ATL2: variants seen among roughly 807,000 people sequenced by gnomAD.
ATL2 encodes atlastin GTPase 2, also known as atlastin-2.
A neutral mutation model predicts 73.9 loss-of-function variants in ATL2; 31 were observed. That is an observed-to-expected ratio of 0.42 (90% CI 0.32 to 0.57). The LOEUF (loss-of-function observed/expected upper bound fraction) is 0.57. Ranked by LOEUF, ATL2 falls within the 20% of genes least tolerant of loss-of-function variation. The pLI is 0.14. For synonymous variants in ATL2, 291 were observed against 237.5 expected (o/e 1.23, Z -2.07); for missense variants, 738 against 702.6 (o/e 1.05, Z -0.57).
chr2:38,299,191 A>T (rs1016812742), intron 11 of ATL2, 65 bp downstream of exon 11: 12 of 995,352 alleles, frequency 1.2e-5, no homozygotes, highest in Non-Finnish European at 1.3e-5. Flanking sequence ...AATTTTTTTA[A>T]TTTTTTTTTT....
At position 38,337,458 on chromosome 2, in the gene ATL2, C is replaced by T. The variant is rs571553591; in HGVS notation, c.363+5810G>A. The stretch of plus-strand genomic sequence containing the variant: ...CTGAGATCACATCACTGCACTCCAA[C>T]CTTGGCGACAGAACAAGACTCTGTC... On this transcript the variant is annotated intron_variant, in intron 2 of 12. Coordinates refer to ENST00000378954, the MANE Select transcript of ATL2 (RefSeq NM_001135673.4). Among the ~76,000 whole-genome samples, 5 of 106,614 alleles carry T rather than the reference C, an allele frequency of 4.7e-5. No individual in the cohort carries two copies. The East Asian group carries it at 1.5e-3, about 32-fold the overall frequency. The allele number at this position is 106,614 out of a possible 152,430, so 69.9% of individuals were successfully genotyped here.
At chr2:38,319,146 A>G in intron 2 of ATL2, 127 bp from the exon 3 acceptor site, 1 of 1,005,618 alleles carries the variant, frequency 9.9e-7, no homozygotes, top group South Asian at 1.6e-5. Flanking sequence ...ACACTGTGTA[A>G]CAAACAAGTA....
Position 38,352,133 on chromosome 2 carries a change from C to CAA in ATL2, c.119-8623_119-8622dup, listed in dbSNP as rs778821586. Among the ~76,000 whole-genome samples, 304 of 31,954 alleles carry CAA rather than the reference C, an allele frequency of 9.5e-3. 13 individuals carry two copies. Among genetic ancestry groups the CAA allele is most frequent in the African/African-American group, 0.02 (269 of 13,404 alleles). 21.0% of individuals were successfully genotyped at this position (31,954 alleles called of 152,430 possible). On this transcript the variant is annotated intron_variant, in intron 1 of 12. Transcript: ENST00000378954. ...TTCAAAAACAAACAAAAACAACAAC[C>CAA]AAAAAAAAAAAAAAAAAAAAAAAAA... is the stretch of plus-strand genomic sequence containing the variant.
chr2:38,373,526 G>C (rs949881591), intron 1 of ATL2, among the ~76,000 whole-genome samples: 1 of 152,168 alleles, frequency 6.6e-6, no homozygotes, highest in African/African-American at 2.4e-5. Context: ...TGGGAAAACA[G>C]AGGATGTTAG....
intron 1 of ATL2, among the ~76,000 whole-genome samples, chr2:38,371,781 C>T (rs1275280251): frequency 2.0e-5 from 3 of 151,938 alleles, no homozygotes; most frequent in African/African-American, 7.3e-5. Context: ...GTCTGTAGTC[C>T]CAGATACTCA....
At chr2:38,296,413 C>T (rs977018424) in intron 12 of ATL2, 31 of 1,543,214 alleles carry the variant, frequency 2.0e-5, no homozygotes, top group Non-Finnish European at 2.5e-5. Context: ...CCGGCCCAGA[C>T]GGTCCTGCTT....
chr2:38,378,048 G>A (rs1435145213), upstream of ATL2, among the ~76,000 whole-genome samples: 1 of 152,190 alleles, frequency 6.6e-6, no homozygotes, highest in Non-Finnish European at 1.5e-5. Flanking sequence ...TTCTTCTGGG[G>A]ATCCAGTGAC....
chr2:38,333,846 T>G (rs1332995035), intron 2 of ATL2, among the ~76,000 whole-genome samples: 5 of 152,202 alleles, frequency 3.3e-5, no homozygotes, highest in Non-Finnish European at 5.9e-5. Context: ...ATCTCGTTTA[T>G]TTCTGATTCC....
At chr2:38,343,752 C>T (rs889874250) in intron 1 of ATL2, among the ~76,000 whole-genome samples, 1 of 152,092 alleles carries the variant, frequency 6.6e-6, no homozygotes, top group Non-Finnish European at 1.5e-5. Flanking sequence ...ATTGTAGCTC[C>T]CACAATTTCC....
rs1313873084 is a variant in ATL2, at chr2:38,370,164, AAAAAAAAG to A, written c.118+6971_118+6978del. 5.0e-3 allele frequency among the ~76,000 whole-genome samples: 737 copies of A among 147,844 alleles called. 10 individuals carry two copies. The highest frequency in any genetic ancestry group is 0.015 in the African/African-American group (602 of 39,206). On this transcript the variant is annotated intron_variant, in intron 1 of 12. Transcript: ENST00000378954. The stretch of plus-strand genomic sequence containing the variant: ...CGAGACTCCGTCAAAAAAAAAAAAA[AAAAAAAAG>A]AAAGAAAATCAAGACCGGGCGGTCG...
chr2:38,351,809 T>C (rs917962201), intron 1 of ATL2, among the ~76,000 whole-genome samples: 13 of 151,798 alleles, frequency 8.6e-5, no homozygotes, highest in African/African-American at 3.1e-4. Flanking sequence ...ATCTATGTAT[T>C]ATTTTAAACA....
At chr2:38,339,387 T>C (rs1669567079) in intron 2 of ATL2, among the ~76,000 whole-genome samples, 1 of 152,168 alleles carries the variant, frequency 6.6e-6, no homozygotes, top group South Asian at 2.1e-4. Flanking sequence ...GTCAAGGACT[T>C]AGTTAATAGT....
At chr2:38,350,111 C>A (rs956217034) in intron 1 of ATL2, among the ~76,000 whole-genome samples, 1 of 152,060 alleles carries the variant, frequency 6.6e-6, no homozygotes, top group Admixed American at 6.5e-5. Flanking sequence ...TCTCTAAATT[C>A]CACACCACTC....
chr2:38,345,407 T>A, intron 1 of ATL2, among the ~76,000 whole-genome samples: 1 of 152,208 alleles, frequency 6.6e-6, no homozygotes. Flanking sequence ...ATCTCACTTA[T>A]CTGATTTGCA....
chr2:38,332,539 G>C (rs1348966945), intron 2 of ATL2, among the ~76,000 whole-genome samples: 1 of 152,164 alleles, frequency 6.6e-6, no homozygotes, highest in Admixed American at 6.5e-5. Context: ...TGGGGTAATA[G>C]TTGCACAACT....
intron 2 of ATL2, among the ~76,000 whole-genome samples, chr2:38,327,319 G>A (rs531127854): frequency 6.6e-6 from 1 of 151,946 alleles, no homozygotes; most frequent in Non-Finnish European, 1.5e-5. Context: ...AAAGAGAGGA[G>A]GAATTAGGAA....
intron 1 of ATL2, among the ~76,000 whole-genome samples, chr2:38,362,135 C>T (rs1037560841): frequency 4.6e-5 from 7 of 152,024 alleles, no homozygotes; most frequent in African/African-American, 1.5e-4. Flanking sequence ...ACTACAAGCG[C>T]AGAATAAGAA....
chr2:38,354,583 G>C (rs1256626777), intron 1 of ATL2, among the ~76,000 whole-genome samples: 1 of 151,920 alleles, frequency 6.6e-6, no homozygotes, highest in Non-Finnish European at 1.5e-5. Flanking sequence ...AAAGAAAAAA[G>C]GTATAGCTTA....
intron 1 of ATL2, among the ~76,000 whole-genome samples, chr2:38,360,195 A>G (rs553482080): frequency 6.6e-6 from 1 of 151,680 alleles, no homozygotes; most frequent in Non-Finnish European, 1.5e-5. Context: ...TGACGTTAAA[A>G]TTTAGGAAGT....
Sources: allele counts gnomAD v4.1 joint callset (sites outside exome capture counted in the v4.1 genomes callset), GRCh38; gene constraint gnomAD v4.1.1; transcripts MANE v1.5; gene names NCBI Gene and HGNC (gene_info 2026-07-23, HGNC 2026-07-21).